TUBGCP3: variants seen among roughly 807,000 people sequenced by gnomAD.
The protein encoded by TUBGCP3 is gamma-tubulin complex component 3.
A neutral mutation model predicts 123.1 loss-of-function variants in TUBGCP3; 50 were observed. The ratio of observed to expected loss-of-function variants is 0.41; its 90% confidence interval spans 0.32 to 0.51. TUBGCP3 has a LOEUF of 0.51. Ranked by LOEUF, TUBGCP3 falls within the 20% of genes least tolerant of loss-of-function variation. The probability of loss-of-function intolerance (pLI) is 0.36; values close to 1 mark genes in which losing one functional copy is unlikely to be tolerated. For missense variants in TUBGCP3, 882 were observed against 1,127.0 expected (o/e 0.78, Z 3.11); for synonymous variants, 405 against 413.9 (o/e 0.98, Z 0.26).
intron 8 of TUBGCP3, among the ~76,000 whole-genome samples, chr13:112,549,874 C>T (rs1879410653): frequency 6.6e-6 from 1 of 151,308 alleles, no homozygotes; most frequent in African/African-American, 2.4e-5. Context: ...CCTGTGGTCC[C>T]AGCTACTCAG....
chr13:112,550,902 T>C (rs1041269350), intron 8 of TUBGCP3, among the ~76,000 whole-genome samples: 6 of 152,106 alleles, frequency 3.9e-5, no homozygotes, highest in East Asian at 1.9e-4. Context: ...ATTAAGACCA[T>C]CCTGGCTAAC....
intron 11 of TUBGCP3, among the ~76,000 whole-genome samples, chr13:112,528,580 C>T (rs1877318183): frequency 6.6e-6 from 1 of 152,194 alleles, no homozygotes; most frequent in South Asian, 2.1e-4. Context: ...CATCAATATA[C>T]AAAAATTCTT....
chr13:112,588,315 G>A (rs1480348419), upstream of TUBGCP3: 3 of 240,230 alleles, frequency 1.2e-5, no homozygotes, highest in Non-Finnish European at 2.4e-5. Context: ...TGCGCGGACA[G>A]AGCGGCCCCG....
chr13:112,580,229 T>TAAATAGC (rs1175122280), intron 1 of TUBGCP3, among the ~76,000 whole-genome samples: 1 of 152,096 alleles, frequency 6.6e-6, no homozygotes, highest in African/African-American at 2.4e-5. Flanking sequence ...TTAAATGGGC[T>TAAATAGC]AAATAGCAGA....
In TUBGCP3 at chr13:112,519,869, A is replaced by C; in HGVS notation, c.1881+17T>G. 1 of 1,609,424 alleles carries C rather than the reference A, an allele frequency of 6.2e-7. No homozygotes were observed. Among genetic ancestry groups the C allele is most frequent in the Non-Finnish European group, 8.5e-7 (1 of 1,176,846 alleles). On this transcript the variant is annotated intron_variant, in intron 15 of 21. Coordinates refer to ENST00000261965, the MANE Select transcript of TUBGCP3 (RefSeq NM_006322.6). The surrounding 1 kb of genome is among the most constrained non-coding windows in gnomAD (Gnocchi z 6.2). ...TCGGTGCCGGGGCGGCGTTCCCAACACGCAGAGCCGCAGTACCTCCAGCAG... is the reference window on the plus strand; with the variant it reads ...TCGGTGCCGGGGCGGCGTTCCCAACCCGCAGAGCCGCAGTACCTCCAGCAG...
intron 11 of TUBGCP3, among the ~76,000 whole-genome samples, chr13:112,541,558 A>T (rs1878519569): frequency 6.6e-6 from 1 of 152,014 alleles, no homozygotes; most frequent in Admixed American, 6.6e-5. Context: ...AAAAAAAAAA[A>T]AATACCACAG....
In TUBGCP3 at chr13:112,504,093, G is replaced by A. The variant is rs751579089; in HGVS notation, c.2246C>T (p.Ala749Val). Residue 749 changes from alanine (A) to valine (V), a missense_variant, in exon 19 of 22, where the codon GCT (alanine) becomes GTT (valine). Physicochemically the swap from Ala to Val is moderately conservative, Grantham distance 64. Coordinates refer to ENST00000261965, the MANE Select transcript of TUBGCP3 (RefSeq NM_006322.6). ...GGTGTCTAAGAACACCTCGTGTGCA[G>A]CAATGATGTGATCCAAATCCTGGGC... is the stretch of plus-strand genomic sequence containing the variant. ...QQAQDLDHII[A>V]AHEVFLDTII... The A allele has an allele frequency of 6.2e-7, 1 of 1,614,122 alleles. No individual in the cohort carries two copies. Among genetic ancestry groups the A allele is most frequent in the Non-Finnish European group, 8.5e-7 (1 of 1,180,028 alleles).
intron 11 of TUBGCP3, among the ~76,000 whole-genome samples, chr13:112,533,153 C>T (rs756119853): frequency 1.3e-5 from 2 of 152,234 alleles, no homozygotes; most frequent in Non-Finnish European, 2.9e-5. Flanking sequence ...AACAGAGAGA[C>T]CGAGAGGTCC....
At position 112,519,155 on chromosome 13, in the gene TUBGCP3, C is replaced by T. The variant is rs1359832285; in HGVS notation, c.1882-112G>A. On this transcript the variant is annotated intron_variant, in intron 15 of 21. Transcript: ENST00000261965. This position sits in a 1 kb window ranked among gnomAD's most constrained non-coding sequence, Gnocchi z 6.2. The stretch of plus-strand genomic sequence containing the variant: ...TGCCCAATTGTTAAAAACTGCTCAA[C>T]AGTTCTGAGTGCATCTTCTTGTTAA... 5 of 821,242 alleles carry T rather than the reference C, an allele frequency of 6.1e-6. No individual in the cohort carries two copies. Among genetic ancestry groups the T allele is most frequent in the Non-Finnish European group, 1.0e-5 (5 of 482,928 alleles). 50.9% of individuals were successfully genotyped at this position (821,242 alleles called of 1,614,324 possible).
chr13:112,506,828 T>A (rs560067049), intron 17 of TUBGCP3, among the ~76,000 whole-genome samples: 16 of 152,348 alleles, frequency 1.1e-4, no homozygotes, highest in African/African-American at 3.6e-4. Flanking sequence ...TTTTAAGTGA[T>A]GTTCAGCCGT....
chr13:112,568,803 C>G (rs1015042060), intron 2 of TUBGCP3, among the ~76,000 whole-genome samples: 7 of 152,210 alleles, frequency 4.6e-5, no homozygotes, highest in Admixed American at 1.3e-4. Flanking sequence ...GCTCATTACT[C>G]AGAGCTGAGC....
chr13:112,498,877 C>G, intron 20 of TUBGCP3, 168 bp downstream of exon 20: 1 of 1,611,930 alleles, frequency 6.2e-7, no homozygotes, highest in South Asian at 1.1e-5. Flanking sequence ...GTGGCCCCTC[C>G]CTCTTTACAA....
intron 5 of TUBGCP3, among the ~76,000 whole-genome samples, chr13:112,556,613 T>G (rs1172388182): frequency 2.0e-5 from 3 of 152,114 alleles, no homozygotes; most frequent in African/African-American, 7.2e-5. Flanking sequence ...AATCCACAAC[T>G]CTCGTTCACT....
chr13:112,559,829 A>G (rs899804411), intron 3 of TUBGCP3, among the ~76,000 whole-genome samples: 1 of 152,198 alleles, frequency 6.6e-6, no homozygotes, highest in Non-Finnish European at 1.5e-5. Context: ...CATCATGTGT[A>G]CCTAAAGTCA....
the TUBGCP3 span, among the ~76,000 whole-genome samples, chr13:112,601,176 G>C: frequency 8.5e-5 from 7 of 82,510 alleles, no homozygotes; most frequent in East Asian, 1.9e-3. Flanking sequence ...CACAAAGCAA[G>C]ATTCTGTCTA....
chr13:112,486,035 A>G lies in TUBGCP3; in HGVS notation c.2682T>C (p.Arg894=), dbSNP rs41288614. The change falls in exon 22 of 22, where the codon CGT becomes CGC. Residue 894 remains arginine (R), a synonymous_variant. Coordinates refer to ENST00000261965, the MANE Select transcript of TUBGCP3 (RefSeq NM_006322.6). ...EHYKAREPRL[R]VSLGTRGRRS... is the part of the protein sequence containing the mutation. ...GCCGCCCCCTGGTACCCAGAGACAC[A>G]CGGAGCCTGGGCTCCCTGGCTTTGT... The G allele has an allele frequency of 0.093, 134,806 of 1,456,844 alleles. 14,739 individuals carry two copies. Among genetic ancestry groups the G allele is most frequent in the Non-Finnish European group, 0.1 (108,180 of 1,037,340 alleles). The allele number at this position is 1,456,844 out of a possible 1,614,324, so 90.2% of individuals were successfully genotyped here. A position where few individuals can be genotyped will look rare whatever the true frequency, so the allele number is the denominator to read the frequency against.
In TUBGCP3 at chr13:112,582,679, G is replaced by A. The variant is rs554446308; in HGVS notation, c.76+5226C>T. ...TAGATCTCTGATGATTCTGCTTAAT[G>A]CAAGAGTGAAAAATAGAGTACTCCA... On this transcript the variant is annotated intron_variant, in intron 1 of 21. Coordinates refer to ENST00000261965, the MANE Select transcript of TUBGCP3 (RefSeq NM_006322.6). 5.7e-4 allele frequency among the ~76,000 whole-genome samples: 86 copies of A among 151,524 alleles called. 1 individual carries two copies. Among genetic ancestry groups the A allele is most frequent in the Middle Eastern group, 6.8e-3 (2 of 292 alleles).
intron 10 of TUBGCP3, 154 bp from the exon 11 acceptor site, chr13:112,546,019 T>C: frequency 1.4e-6 from 1 of 726,958 alleles, no homozygotes. Flanking sequence ...GAAGCAGCAG[T>C]AACATGTCAT....
chr13:112,518,406 T>C (rs1205705715), intron 16 of TUBGCP3, among the ~76,000 whole-genome samples: 1 of 152,240 alleles, frequency 6.6e-6, no homozygotes, highest in Non-Finnish European at 1.5e-5. Flanking sequence ...GAGGGTATCT[T>C]GGTCAAGGAA....
Sources: gnomAD v4.1 joint callset for allele counts (sites outside exome capture counted in the v4.1 genomes callset) on GRCh38, gnomAD v4.1.1 for gene constraint, Gnocchi (gnomAD v3.1) non-coding constraint, MANE v1.5 for transcripts, NCBI Gene and HGNC (gene_info 2026-07-23, HGNC 2026-07-21) for gene names.